FAM120A: variants seen among roughly 807,000 people sequenced by gnomAD.
The protein encoded by FAM120A is family with sequence similarity 120 member A.
Under a neutral mutation model 109.7 loss-of-function variants are expected in FAM120A, and 15 were observed. The observed-to-expected ratio is 0.14, with a 90% confidence interval of 0.09 to 0.21. The LOEUF (loss-of-function observed/expected upper bound fraction) is 0.21, where lower values mean the gene tolerates loss of function less well. FAM120A is among the 10% of genes least tolerant of loss of function. The probability of loss-of-function intolerance (pLI) is 1.00; values close to 1 mark genes in which losing one functional copy is unlikely to be tolerated. For synonymous variants in FAM120A, 493 were observed against 572.8 expected (o/e 0.86, Z 1.99); for missense variants, 899 against 1,439.3 (o/e 0.62, Z 6.07).
chr9:93,503,600 T>C (rs1859898437), intron 5 of FAM120A, among the ~76,000 whole-genome samples: 1 of 152,062 alleles, frequency 6.6e-6, no homozygotes, highest in African/African-American at 2.4e-5. Context: ...ATTAGGCAGA[T>C]TTTTGGGGCA....
chr9:93,500,156 A>G lies in FAM120A; in HGVS notation c.1030+1270A>G, dbSNP rs56264854. 0.028 allele frequency among the ~76,000 whole-genome samples: 4,332 copies of G among 152,348 alleles called. 90 individuals are homozygous for G. Among genetic ancestry groups the G allele is most frequent in the East Asian group, 0.071 (366 of 5,186 alleles). On this transcript the variant is annotated intron_variant, in intron 5 of 17. Transcript: ENST00000277165. This position sits in a 1 kb window ranked among gnomAD's most constrained non-coding sequence, Gnocchi z 4.6. Reference sequence around the variant, plus strand: ...CCCTGCAATCCATTTTCTTCCCAGCAGCCAAAGTAATGTTTAAAAATGGCA... The same window carrying G: ...CCCTGCAATCCATTTTCTTCCCAGCGGCCAAAGTAATGTTTAAAAATGGCA...
rs183000674 is a variant in FAM120A, at chr9:93,565,923, C to G, written c.*1383C>G. 2.0e-5 allele frequency: 3 copies of G among 152,738 alleles called. No individual in the cohort carries two copies. The East Asian group carries it at 5.8e-4, about 29-fold the overall frequency. The allele number at this position is 152,738 out of a possible 1,614,324, so 9.5% of individuals were successfully genotyped here. A position where few individuals can be genotyped will look rare whatever the true frequency, so the allele number is the denominator to read the frequency against. On this transcript the variant is annotated 3_prime_UTR_variant, in exon 18 of 18. Coordinates refer to ENST00000277165, the MANE Select transcript of FAM120A (RefSeq NM_014612.5). ...TCAGAAATGAGGTGTAATTCCCCAA[C>G]CCCTGCCCGCAAGAGCTAAGTAGGA...
At chr9:93,520,742 C>T (rs555393608) in intron 7 of FAM120A, among the ~76,000 whole-genome samples, 2 of 152,272 alleles carry the variant, frequency 1.3e-5, no homozygotes, top group South Asian at 2.1e-4. Context: ...CATCAGGGTT[C>T]ATTGCACAGG....
At chr9:93,475,528 A>G (rs944679656) in intron 2 of FAM120A, among the ~76,000 whole-genome samples, 8 of 152,210 alleles carry the variant, frequency 5.3e-5, no homozygotes, top group Non-Finnish European at 1.2e-4. Flanking sequence ...CTGCTTTGAG[A>G]TTTCAATGAG....
chr9:93,557,583 C>T (rs1231707251), intron 13 of FAM120A, among the ~76,000 whole-genome samples: 2 of 152,336 alleles, frequency 1.3e-5, no homozygotes, highest in Admixed American at 6.5e-5. Flanking sequence ...GGGGTCAGTG[C>T]ATCAGGCAAC....
chr9:93,460,677 A>T (rs1857755600), intron 1 of FAM120A, among the ~76,000 whole-genome samples: 1 of 152,144 alleles, frequency 6.6e-6, no homozygotes, highest in South Asian at 2.1e-4. Flanking sequence ...AGTAAATCTG[A>T]TGAAGACCTT....
chr9:93,482,128 C>T (rs60212988), intron 3 of FAM120A, among the ~76,000 whole-genome samples: 16,242 of 151,670 alleles, frequency 0.11, 1,808 homozygotes, highest in African/African-American at 0.28. Flanking sequence ...CTGAGGCACC[C>T]GTATACCGGG....
At chr9:93,558,467 A>G in intron 14 of FAM120A, 114 bp from the exon 15 acceptor site, 1 of 1,306,272 alleles carries the variant, frequency 7.7e-7, no homozygotes. Flanking sequence ...AGGGGCCAGG[A>G]GACCCCTCCA....
intron 15 of FAM120A, 66 bp downstream of exon 15, chr9:93,558,784 G>T: frequency 6.4e-7 from 1 of 1,570,868 alleles, no homozygotes. Flanking sequence ...ATCGTCTGGC[G>T]CCTTCCTTCC....
chr9:93,551,477 TTTTG>T (rs1238762533), intron 12 of FAM120A, among the ~76,000 whole-genome samples: 4 of 152,256 alleles, frequency 2.6e-5, no homozygotes, highest in African/African-American at 9.6e-5. Flanking sequence ...ATGTATAGGG[TTTTG>T]TTTTTTTCTT....
At chr9:93,548,563 G>A (rs1048340053) in intron 11 of FAM120A, among the ~76,000 whole-genome samples, 1 of 151,966 alleles carries the variant, frequency 6.6e-6, no homozygotes, top group African/African-American at 2.4e-5. Flanking sequence ...ACTTAAAAAT[G>A]GCTTAAATGG....
intron 10 of FAM120A, among the ~76,000 whole-genome samples, chr9:93,538,603 A>G (rs10821153): frequency 0.28 from 42,528 of 152,108 alleles, 6,989 homozygotes; most frequent in East Asian, 0.42. Flanking sequence ...ACAGGCGTGC[A>G]TGCATACTGC....
At chr9:93,502,539 T>C (rs1480832239) in intron 5 of FAM120A, among the ~76,000 whole-genome samples, 3 of 148,158 alleles carry the variant, frequency 2.0e-5, no homozygotes, top group Non-Finnish European at 4.5e-5. Flanking sequence ...AGTTATTGGG[T>C]AGTGTAGAGT....
chr9:93,521,812 G>A (rs1860857872), intron 7 of FAM120A, among the ~76,000 whole-genome samples: 1 of 152,226 alleles, frequency 6.6e-6, no homozygotes, highest in African/African-American at 2.4e-5. Context: ...TTGAGGCCGG[G>A]TGCAATGGCT....
At position 93,565,857 on chromosome 9, in the gene FAM120A, TC is replaced by T. The variant is rs1304932110; in HGVS notation, c.*1318del. The T allele has an allele frequency of 6.6e-6, 1 of 152,664 alleles. No individual in the cohort carries two copies. The highest frequency in any genetic ancestry group is 2.4e-5 in the African/African-American group (1 of 41,452). 9.5% of individuals were successfully genotyped at this position (152,664 alleles called of 1,614,324 possible). A position where few individuals can be genotyped will look rare whatever the true frequency, so the allele number is the denominator to read the frequency against. ...ACTTTGAAATCAGAATCACTTCTTATCGTTTTCATATACTTCTGATGCTCTT... is the reference window on the plus strand; with the variant it reads ...ACTTTGAAATCAGAATCACTTCTTATGTTTTCATATACTTCTGATGCTCTT... On this transcript the variant is annotated 3_prime_UTR_variant, in exon 18 of 18. Coordinates refer to ENST00000277165, the MANE Select transcript of FAM120A (RefSeq NM_014612.5).
chr9:93,518,471 G>A (rs917579080), intron 7 of FAM120A, among the ~76,000 whole-genome samples: 1 of 152,180 alleles, frequency 6.6e-6, no homozygotes, highest in Non-Finnish European at 1.5e-5. Context: ...GAGGACCCCG[G>A]GACCTACGTT....
chr9:93,557,917 C>A lies in FAM120A; in HGVS notation c.2575C>A (p.Pro859Thr). 1 of 1,611,114 alleles carries A rather than the reference C, an allele frequency of 6.2e-7. No individual in the cohort carries two copies. Among genetic ancestry groups the A allele is most frequent in the African/African-American group, 1.3e-5 (1 of 75,062 alleles). ...GCAGAGCCACACGCTCCCTTTCCCG[C>A]CGCCACCTGCCCTGCCCTTCTACCC... ...SRQSHTLPFP[P>T]PPALPFYPAS... is the part of the protein sequence containing the mutation. Residue 859 changes from proline (P) to threonine (T), a missense_variant, in exon 14 of 18, where the codon CCG (proline) becomes ACG (threonine). This residue lies in a region of FAM120A where 129 missense variants were observed against 153.4 expected (regional missense o/e 0.84). Coordinates refer to ENST00000277165, the MANE Select transcript of FAM120A (RefSeq NM_014612.5).
At chr9:93,485,577 G>A (rs1859007548) in intron 3 of FAM120A, among the ~76,000 whole-genome samples, 1 of 152,076 alleles carries the variant, frequency 6.6e-6, no homozygotes, top group Non-Finnish European at 1.5e-5. Context: ...CAGCTTGTGC[G>A]ACAGAGTAAG....
intron 2 of FAM120A, among the ~76,000 whole-genome samples, chr9:93,473,368 C>T (rs915829469): frequency 6.6e-6 from 1 of 151,878 alleles, no homozygotes. Context: ...TGCAGTGGTG[C>T]AATCTCGGCT....
Sources: gnomAD v4.1 joint callset for allele counts (sites outside exome capture counted in the v4.1 genomes callset) on GRCh38, gnomAD v4.1.1 for gene constraint, gnomAD v4.1.1 regional missense constraint, Gnocchi (gnomAD v3.1) non-coding constraint, MANE v1.5 for transcripts, NCBI Gene and HGNC (gene_info 2026-07-23, HGNC 2026-07-21) for gene names.